The following VAV3 variants were observed in gnomAD, a reference collection of about 807,000 sequenced individuals.
The protein encoded by VAV3 is vav guanine nucleotide exchange factor 3, also known as guanine nucleotide exchange factor VAV3.
Under a neutral mutation model 131.2 loss-of-function variants are expected in VAV3, and 94 were observed. That is an observed-to-expected ratio of 0.72 (90% confidence interval 0.61 to 0.85). The LOEUF is 0.85. Ranked by LOEUF, VAV3 falls within the 40% of genes least tolerant of loss-of-function variation. The pLI, the probability that VAV3 is intolerant of heterozygous loss-of-function variation, is 0.00. For synonymous variants in VAV3, 349 were observed against 342.0 expected, an observed-to-expected ratio of 1.02 and a Z score of -0.22; for missense variants, 939 against 1,002.7, an observed-to-expected ratio of 0.94 and a Z score of 0.86.
At chr1:107,695,286 C>T (rs915511428) in intron 17 of VAV3, among the ~76,000 whole-genome samples, 17 of 152,170 alleles carry the variant, frequency 1.1e-4, no homozygotes, top group South Asian at 2.1e-4. Context: ...AACCATCAGA[C>T]GGAAGATAAT....
At chr1:107,596,427 G>A in intron 24 of VAV3, 86 bp from the exon 25 acceptor site, 1 of 1,434,348 alleles carries the variant, frequency 7.0e-7, no homozygotes, top group Non-Finnish European at 9.5e-7. Context: ...AATACAATAA[G>A]GATGACCAAT....
At chr1:107,865,384 A>G (rs1669935433) in intron 2 of VAV3, among the ~76,000 whole-genome samples, 1 of 152,186 alleles carries the variant, frequency 6.6e-6, no homozygotes, top group South Asian at 2.1e-4. Flanking sequence ...TTCAGATTTT[A>G]AGCAGTGTGT....
At chr1:107,636,684 C>T (rs908839915) in intron 20 of VAV3, among the ~76,000 whole-genome samples, 1 of 152,072 alleles carries the variant, frequency 6.6e-6, no homozygotes, top group Non-Finnish European at 1.5e-5. Context: ...ATGGGCCCTC[C>T]AAGTATAGTT....
chr1:107,793,173 C>T (rs148370621), intron 2 of VAV3, among the ~76,000 whole-genome samples: 22 of 152,158 alleles, frequency 1.4e-4, no homozygotes, highest in Non-Finnish European at 2.2e-4. Flanking sequence ...ATTTTAGAGA[C>T]GGCTAAACTG....
chr1:107,736,123 T>A (rs142622124), intron 15 of VAV3, among the ~76,000 whole-genome samples: 1 of 152,160 alleles, frequency 6.6e-6, no homozygotes, highest in Non-Finnish European at 1.5e-5. Context: ...ATTATCTCAA[T>A]AGATGCAGAA....
intron 20 of VAV3, among the ~76,000 whole-genome samples, chr1:107,618,018 C>T (rs899359543): frequency 7.2e-5 from 11 of 152,032 alleles, no homozygotes; most frequent in African/African-American, 2.7e-4. Flanking sequence ...ACTGTTCCAC[C>T]TCAGGCATTA....
chr1:107,682,560 G>A (rs750831452), intron 19 of VAV3, among the ~76,000 whole-genome samples: 15 of 151,944 alleles, frequency 9.9e-5, no homozygotes, highest in South Asian at 2.1e-4. Flanking sequence ...CAGGACACAA[G>A]TGAGGCAATT....
At chr1:107,768,684 T>G (rs1385015987) in intron 6 of VAV3, among the ~76,000 whole-genome samples, 175 bp from the exon 7 acceptor site, 1 of 152,182 alleles carries the variant, frequency 6.6e-6, no homozygotes, top group Non-Finnish European at 1.5e-5. Context: ...CTTGAATAGA[T>G]ATATAAAAAC....
At chr1:107,704,221 T>C (rs1660309222) in intron 17 of VAV3, among the ~76,000 whole-genome samples, 1 of 152,188 alleles carries the variant, frequency 6.6e-6, no homozygotes, top group African/African-American at 2.4e-5. Context: ...TTTTTGTTAC[T>C]CTATTTTTTC....
At chr1:107,714,667 T>C (rs530419852) in intron 15 of VAV3, among the ~76,000 whole-genome samples, 1 of 152,240 alleles carries the variant, frequency 6.6e-6, no homozygotes, top group South Asian at 2.1e-4. Context: ...ATTATGCTGC[T>C]GGTTATTTGA....
chr1:107,804,447 A>G (rs970021881), intron 2 of VAV3, among the ~76,000 whole-genome samples: 1 of 152,330 alleles, frequency 6.6e-6, no homozygotes, highest in African/African-American at 2.4e-5. Context: ...TTACAAAAAA[A>G]TCTTGTAGAC....
At chr1:107,854,259 G>A (rs1246965794) in intron 2 of VAV3, among the ~76,000 whole-genome samples, 2 of 152,130 alleles carry the variant, frequency 1.3e-5, no homozygotes, top group Admixed American at 6.6e-5. Flanking sequence ...GCAGTTAGCC[G>A]AGATTGTACC....
intron 2 of VAV3, among the ~76,000 whole-genome samples, chr1:107,831,143 C>G (rs897604664): frequency 6.6e-6 from 1 of 151,160 alleles, no homozygotes; most frequent in Non-Finnish European, 1.5e-5. Context: ...TAAATGATAG[C>G]AAAAATTTTC....
chr1:107,581,638 A>G (rs535520488), intron 25 of VAV3, among the ~76,000 whole-genome samples: 37 of 152,360 alleles, frequency 2.4e-4, no homozygotes, highest in South Asian at 1.2e-3. Flanking sequence ...AAAACACAGA[A>G]GAATGCCAAT....
intron 19 of VAV3, among the ~76,000 whole-genome samples, chr1:107,657,988 T>C (rs111537116): frequency 2.6e-5 from 4 of 152,242 alleles, no homozygotes; most frequent in Admixed American, 1.3e-4. Flanking sequence ...TATTTTGGCA[T>C]AGAATTTATA....
intron 15 of VAV3, among the ~76,000 whole-genome samples, chr1:107,746,711 T>C (rs1557815507): frequency 6.6e-6 from 1 of 152,148 alleles, no homozygotes; most frequent in African/African-American, 2.4e-5. Context: ...CAGTATTATG[T>C]AACAGAAGCG....
rs1570891142 is a variant in VAV3, at chr1:107,749,509, G to A, written c.1345C>T (p.Gln449Ter). ...YEMKEIIDLQ[Q>*]YKIANNPTTD... ...GTAGGATTATTGGCTATCTTGTACT[G>A]CTGAAGATCTATTATTTCCTTCATT... is the stretch of plus-strand genomic sequence containing the variant. Residue 449 changes from glutamine (Q) to a stop codon, truncating the protein, a stop_gained, in exon 14 of 27, where the codon CAG becomes TAG. Coordinates refer to ENST00000370056, the MANE Select transcript of VAV3 (RefSeq NM_006113.5). LOFTEE classifies it high-confidence loss of function. 1 of 1,611,566 alleles carries A rather than the reference G, an allele frequency of 6.2e-7. No individual in the cohort carries two copies. Among genetic ancestry groups the A allele is most frequent in the Non-Finnish European group, 8.5e-7 (1 of 1,179,164 alleles).
Position 107,642,692 on chromosome 1 carries a change from C to T in VAV3, c.1841G>A (p.Gly614Glu), listed in dbSNP as rs144957554. The change falls in exon 20 of 27, where the codon GGA becomes GAA. Residue 614 changes from glycine (G) to glutamate (E), a missense_variant. Physicochemically the swap from Gly to Glu is moderately conservative, Grantham distance 98 (BLOSUM62 -2). Coordinates refer to ENST00000370056, the MANE Select transcript of VAV3 (RefSeq NM_006113.5). ...CCCGGCCTGGAGCTGTAAAGGGGGT[C>T]CTTCATGCAGAGCTGGGGGTGGTGT... ...SGTPPPALHE[G>E]PPLQLQAGDT... 3.9e-5 allele frequency: 63 copies of T among 1,613,322 alleles called. No homozygotes were observed. The African/African-American group carries it at 7.5e-4, about 19-fold the overall frequency.
intron 1 of VAV3, among the ~76,000 whole-genome samples, chr1:107,912,583 T>C (rs1480472116): frequency 6.6e-6 from 1 of 152,184 alleles, no homozygotes; most frequent in Non-Finnish European, 1.5e-5. Flanking sequence ...CCTATCATTC[T>C]GGCTTCTCCA....
Sources: allele counts gnomAD v4.1 joint callset (sites outside exome capture counted in the v4.1 genomes callset), GRCh38; gene constraint gnomAD v4.1.1; transcripts MANE v1.5; gene names NCBI Gene and HGNC (gene_info 2026-07-23, HGNC 2026-07-21).